The following METTL25 variants were observed in gnomAD, a reference collection of about 807,000 sequenced individuals.
METTL25 encodes probable methyltransferase-like protein 25.
METTL25 carries 64 observed loss-of-function variants against 71.6 expected under a neutral mutation model. That is an observed-to-expected ratio of 0.89 (90% CI 0.73 to 1.10). The LOEUF is 1.10. METTL25 is among the 50% of genes least tolerant of loss of function. METTL25 has a pLI of 0.00. For missense variants in METTL25, 807 were observed against 707.0 expected, an observed-to-expected ratio of 1.14 and a Z score of -1.60; for synonymous variants, 287 against 250.3, an observed-to-expected ratio of 1.15 and a Z score of -1.38.
chr12:82,392,829 G>T (rs1233762986), intron 3 of METTL25, among the ~76,000 whole-genome samples: 1 of 151,916 alleles, frequency 6.6e-6, no homozygotes, highest in Non-Finnish European at 1.5e-5. Flanking sequence ...AGAGATAGGG[G>T]TCTAGTTTCA....
intron 9 of METTL25, among the ~76,000 whole-genome samples, chr12:82,463,339 C>T (rs923618498): frequency 5.3e-5 from 8 of 151,836 alleles, no homozygotes; most frequent in Non-Finnish European, 1.0e-4. Context: ...ATGTTTTTAA[C>T]GTTCTAATCC....
At chr12:82,407,559 A>G (rs111320098) in intron 5 of METTL25, among the ~76,000 whole-genome samples, 1 of 152,122 alleles carries the variant, frequency 6.6e-6, no homozygotes, top group Non-Finnish European at 1.5e-5. Context: ...GCTAATAGTA[A>G]TATCTTAATG....
chr12:82,376,102 T>C (rs1425779002), intron 1 of METTL25, among the ~76,000 whole-genome samples: 2 of 152,254 alleles, frequency 1.3e-5, no homozygotes, highest in African/African-American at 4.8e-5. Context: ...TTAAGTAATA[T>C]GTGAAAGTCC....
intron 5 of METTL25, among the ~76,000 whole-genome samples, chr12:82,429,822 T>G (rs1565858959): frequency 6.6e-6 from 1 of 151,594 alleles, no homozygotes; most frequent in Non-Finnish European, 1.5e-5. Flanking sequence ...TTATTTATAT[T>G]CCTAGGGAGG....
intron 8 of METTL25, among the ~76,000 whole-genome samples, chr12:82,455,552 T>C (rs1891430821): frequency 6.6e-6 from 1 of 151,886 alleles, no homozygotes; most frequent in Admixed American, 6.6e-5. Context: ...ACATTTACAC[T>C]TTATCATAAA....
At chr12:82,461,885 T>G (rs991180783) in intron 9 of METTL25, among the ~76,000 whole-genome samples, 3 of 152,210 alleles carry the variant, frequency 2.0e-5, no homozygotes, top group African/African-American at 7.2e-5. Flanking sequence ...TTAAAATCAC[T>G]GTCAACAAAC....
At chr12:82,421,684 A>G (rs577884743) in intron 5 of METTL25, among the ~76,000 whole-genome samples, 63 of 152,316 alleles carry the variant, frequency 4.1e-4, no homozygotes, top group African/African-American at 1.4e-3. Context: ...AAAGAATCAA[A>G]TAGATGCAAT....
intron 1 of METTL25, among the ~76,000 whole-genome samples, chr12:82,370,652 T>A (rs1037465277): frequency 6.6e-6 from 1 of 152,200 alleles, no homozygotes; most frequent in African/African-American, 2.4e-5. Flanking sequence ...AGTTTTAAAT[T>A]TACCCTGGTT....
At chr12:82,461,548 A>G (rs1278038582) in intron 9 of METTL25, among the ~76,000 whole-genome samples, 1 of 152,232 alleles carries the variant, frequency 6.6e-6, no homozygotes, top group African/African-American at 2.4e-5. Context: ...ATTAACAGAC[A>G]TGGAGCACAA....
intron 8 of METTL25, among the ~76,000 whole-genome samples, chr12:82,441,548 G>T (rs1452450011): frequency 6.6e-6 from 1 of 151,608 alleles, no homozygotes. Context: ...AATACAAAAA[G>T]ACAAAAGGTA....
At chr12:82,477,185 C>A in intron 10 of METTL25, 96 bp from the exon 11 acceptor site, 3 of 581,744 alleles carry the variant, frequency 5.2e-6, no homozygotes, top group Non-Finnish European at 9.0e-6. Context: ...ATATAAACTT[C>A]TGTAGATACA....
Position 82,410,397 on chromosome 12 carries a change from T to C in METTL25, c.1279+7267T>C, listed in dbSNP as rs141191234. On this transcript the variant is annotated intron_variant, in intron 5 of 11. Transcript: ENST00000248306. Reference sequence around the variant, plus strand: ...AATATTTTCTATCTCATACAATATGTATTTTCTTAAACAAGACTATTTACT... The same window carrying C: ...AATATTTTCTATCTCATACAATATGCATTTTCTTAAACAAGACTATTTACT... Among the ~76,000 whole-genome samples the C allele has an allele frequency of 2.6e-3, 390 of 152,270 alleles. 2 individuals are homozygous for C. The highest frequency in any genetic ancestry group is 8.9e-3 in the African/African-American group (368 of 41,560).
intron 4 of METTL25, among the ~76,000 whole-genome samples, chr12:82,401,467 G>A (rs1348499750): frequency 6.6e-6 from 1 of 151,942 alleles, no homozygotes. Context: ...TTGAGATGAA[G>A]TACTGTTATT....
intron 6 of METTL25, among the ~76,000 whole-genome samples, chr12:82,432,425 A>T (rs903119669): frequency 1.3e-5 from 2 of 151,560 alleles, no homozygotes; most frequent in Non-Finnish European, 3.0e-5. Context: ...AGCCAGTGTT[A>T]TACCCTTGAC....
chr12:82,460,328 C>T (rs891486077), intron 9 of METTL25, among the ~76,000 whole-genome samples: 2 of 152,142 alleles, frequency 1.3e-5, no homozygotes, highest in Non-Finnish European at 2.9e-5. Flanking sequence ...ATAGATATTT[C>T]CTCCTCAAGG....
At chr12:82,446,611 CTTTTTT>C (rs1033730185) in intron 8 of METTL25, among the ~76,000 whole-genome samples, 1,838 of 134,348 alleles carry the variant, frequency 0.014, 32 homozygotes, top group African/African-American at 0.047. Context: ...TTTAAAATTT[CTTTTTT>C]TTTTTTTTTT....
At chr12:82,363,443 G>A (rs1882189588) in intron 1 of METTL25, among the ~76,000 whole-genome samples, 1 of 152,138 alleles carries the variant, frequency 6.6e-6, no homozygotes, top group Non-Finnish European at 1.5e-5. Flanking sequence ...ACTACAGAAA[G>A]GGTGAGCCTC....
chr12:82,477,302 T>C lies in METTL25; in HGVS notation c.1669T>C (p.Cys557Arg). The change falls in exon 11 of 12, where the codon TGT becomes CGT. Residue 557 changes from cysteine to arginine, a missense_variant. Cys to Arg is a radical substitution (Grantham distance 180). Transcript: ENST00000248306. ...FNMLKVVLAP[C>R]IETLILLDRL... is the part of the protein sequence containing the mutation. ...TTAGTTGAAAGTTGTACTGGCTCCC[T>C]GTATAGAGACTTTGATTCTTCTGGA... The C allele has an allele frequency of 6.4e-7, 1 of 1,570,282 alleles. No individual in the cohort carries two copies.
intron 5 of METTL25, among the ~76,000 whole-genome samples, chr12:82,430,426 G>T (rs1889388986): frequency 6.6e-6 from 1 of 151,456 alleles, no homozygotes; most frequent in Non-Finnish European, 1.5e-5. Flanking sequence ...TTCTGAAAGG[G>T]GAACATAGTG....
Sources: gnomAD v4.1 joint callset for allele counts (sites outside exome capture counted in the v4.1 genomes callset) on GRCh38, gnomAD v4.1.1 for gene constraint, MANE v1.5 for transcripts, NCBI Gene and HGNC (gene_info 2026-07-23, HGNC 2026-07-21) for gene names.